Variants in HHAT observed in about 807,000 individuals in gnomAD.
The protein encoded by HHAT is protein-cysteine N-palmitoyltransferase HHAT.
In HHAT, 47 loss-of-function variants were observed where a neutral mutation model predicts 70.8. The ratio of observed to expected loss-of-function variants is 0.66; its 90% CI spans 0.53 to 0.85. HHAT has a LOEUF of 0.85. Ranked by LOEUF, HHAT falls within the 40% of genes least tolerant of loss-of-function variation. The probability of loss-of-function intolerance (pLI) is 0.00; values close to 1 mark genes in which losing one functional copy is unlikely to be tolerated. For synonymous variants in HHAT, 228 were observed against 247.6 expected (o/e 0.92, Z 0.74); for missense variants, 609 against 604.8 (o/e 1.01, Z -0.07).
chr1:210,609,282 T>C (rs1028281275), intron 10 of HHAT, among the ~76,000 whole-genome samples: 3 of 152,172 alleles, frequency 2.0e-5, no homozygotes, highest in South Asian at 2.1e-4. Flanking sequence ...TCTCCAAAGA[T>C]TTAAAAATTT....
chr1:210,486,658 A>T (rs12130700), intron 8 of HHAT, among the ~76,000 whole-genome samples: 1 of 152,120 alleles, frequency 6.6e-6, no homozygotes, highest in Non-Finnish European at 1.5e-5. Flanking sequence ...TTAATAAGGG[A>T]CTTGCCCCCA....
At chr1:210,359,709 A>C (rs2088046408) in intron 2 of HHAT, among the ~76,000 whole-genome samples, 2 of 152,172 alleles carry the variant, frequency 1.3e-5, no homozygotes. Flanking sequence ...TCTACTAAAA[A>C]TACAAAAATT....
chr1:210,515,485 C>T (rs1385708529), intron 9 of HHAT, among the ~76,000 whole-genome samples: 3 of 152,114 alleles, frequency 2.0e-5, no homozygotes, highest in Admixed American at 6.5e-5. Flanking sequence ...AGGCCAGGCA[C>T]GGTGGCTCAC....
At chr1:210,616,346 C>T (rs1667732536) in intron 10 of HHAT, among the ~76,000 whole-genome samples, 1 of 152,188 alleles carries the variant, frequency 6.6e-6, no homozygotes, top group African/African-American at 2.4e-5. Context: ...CCAACACCCC[C>T]TTTTCCCCCA....
intron 9 of HHAT, among the ~76,000 whole-genome samples, chr1:210,535,718 C>G (rs532009218): frequency 3.0e-4 from 46 of 152,240 alleles, no homozygotes; most frequent in African/African-American, 1.1e-3. Context: ...TGTGCTGTAT[C>G]TGCATAGAAA....
Position 210,627,841 on chromosome 1 carries a change from C to T in HHAT, c.1390+4171C>T, listed in dbSNP as rs572352430. Reference sequence around the variant, plus strand: ...ACTTTATTTAAAAGACTTAGCTGGTCCATGGATCTGAGAAGGATATGGCTG... The same window carrying T: ...ACTTTATTTAAAAGACTTAGCTGGTTCATGGATCTGAGAAGGATATGGCTG... On this transcript the variant is annotated intron_variant, in intron 11 of 11. Transcript: ENST00000261458. 3.9e-5 allele frequency among the ~76,000 whole-genome samples: 6 copies of T among 152,188 alleles called. 1 individual carries two copies. In the South Asian group the frequency reaches 1.2e-3, roughly 32 times the overall value.
chr1:210,456,347 T>G (rs2093868060), intron 7 of HHAT, among the ~76,000 whole-genome samples: 1 of 152,158 alleles, frequency 6.6e-6, no homozygotes, highest in Non-Finnish European at 1.5e-5. Context: ...TCTTACTTAC[T>G]CTGAATACTC....
chr1:210,591,777 T>C (rs1251301025), intron 10 of HHAT, among the ~76,000 whole-genome samples: 1 of 152,134 alleles, frequency 6.6e-6, no homozygotes, highest in African/African-American at 2.4e-5. Flanking sequence ...TGAATTTTTC[T>C]GACTTTAGTG....
chr1:210,610,420 C>A (rs926245931), intron 10 of HHAT, among the ~76,000 whole-genome samples: 1 of 152,140 alleles, frequency 6.6e-6, no homozygotes, highest in African/African-American at 2.4e-5. Flanking sequence ...GGATAGTAGA[C>A]CTTTGTCATA....
intron 8 of HHAT, among the ~76,000 whole-genome samples, chr1:210,497,334 C>T (rs1017720195): frequency 6.6e-6 from 1 of 152,084 alleles, no homozygotes; most frequent in Non-Finnish European, 1.5e-5. Context: ...TGAAAAATAA[C>T]AAATTATTTT....
Position 210,674,310 on chromosome 1 carries a change from T to C in HHAT, c.1413T>C (p.Ser471=), listed in dbSNP as rs753691846. The change falls in exon 12 of 12, where the codon TCT becomes TCC. Residue 471 remains serine, a synonymous_variant. Transcript: ENST00000261458. ...CAGGCTGGCCTTGGGTGACCCTCTC[T>C]GTCCTGGGATTCCTGTACTGCTACT... ...FIQGWPWVTL[S]VLGFLYCYSH... The C allele has an allele frequency of 2.0e-5, 33 of 1,614,066 alleles. No homozygotes were observed. Among genetic ancestry groups the C allele is most frequent in the Non-Finnish European group, 2.5e-5 (29 of 1,180,008 alleles).
At position 210,567,961 on chromosome 1, in the gene HHAT, A is replaced by G. The variant is rs186106436; in HGVS notation, c.1044-19937A>G. ...ACTCCTAAAATCCTTGGAATCTCTA[A>G]AGTTATGTGTCTTTTTGAATGTTAA... On this transcript the variant is annotated intron_variant, in intron 9 of 11. Coordinates refer to ENST00000261458, the MANE Select transcript of HHAT (RefSeq NM_018194.6). Among the ~76,000 whole-genome samples, 618 of 152,188 alleles carry G rather than the reference A, an allele frequency of 4.1e-3. 4 individuals are homozygous for G. Among genetic ancestry groups the G allele is most frequent in the South Asian group, 6.4e-3 (31 of 4,808 alleles).
chr1:210,568,014 T>TAG (rs1655191656), intron 9 of HHAT, among the ~76,000 whole-genome samples: 1 of 152,230 alleles, frequency 6.6e-6, no homozygotes, highest in Non-Finnish European at 1.5e-5. Flanking sequence ...GGCAGCCCCT[T>TAG]AGTAGCTTCA....
intron 6 of HHAT, among the ~76,000 whole-genome samples, chr1:210,410,735 A>G (rs2092521350): frequency 6.6e-6 from 1 of 151,478 alleles, no homozygotes; most frequent in Admixed American, 6.6e-5. Flanking sequence ...CCTGTTGGCC[A>G]GGCTAGTCTT....
At chr1:210,495,463 C>A (rs774421490) in intron 8 of HHAT, among the ~76,000 whole-genome samples, 4 of 151,882 alleles carry the variant, frequency 2.6e-5, no homozygotes, top group Non-Finnish European at 5.9e-5. Context: ...TTTGACTCAT[C>A]GGGAAAGTAG....
chr1:210,563,667 G>A (rs2095644015), intron 9 of HHAT, among the ~76,000 whole-genome samples: 1 of 152,158 alleles, frequency 6.6e-6, no homozygotes, highest in African/African-American at 2.4e-5. Context: ...TAGGTGTGAA[G>A]GAGAGAACTT....
chr1:210,450,296 G>GC (rs887302403), intron 7 of HHAT, among the ~76,000 whole-genome samples: 25 of 145,584 alleles, frequency 1.7e-4, no homozygotes, highest in Middle Eastern at 3.5e-3. Flanking sequence ...GTCTCAGGTG[G>GC]GGGGGGTGGG....
At chr1:210,542,032 C>T (rs1337707875) in intron 9 of HHAT, among the ~76,000 whole-genome samples, 1 of 152,212 alleles carries the variant, frequency 6.6e-6, no homozygotes, top group Non-Finnish European at 1.5e-5. Flanking sequence ...TCATCTCCTC[C>T]TTCCTTCTGC....
At chr1:210,585,125 G>T (rs1265316483) in intron 9 of HHAT, among the ~76,000 whole-genome samples, 1 of 149,428 alleles carries the variant, frequency 6.7e-6, no homozygotes, top group Non-Finnish European at 1.5e-5. Context: ...AATTAGCCCA[G>T]GGTTGTAATG....
Sources: allele counts gnomAD v4.1 joint callset (sites outside exome capture counted in the v4.1 genomes callset), GRCh38; gene constraint gnomAD v4.1.1; transcripts MANE v1.5; gene names NCBI Gene and HGNC (gene_info 2026-07-23, HGNC 2026-07-21).